Variants in FRMD7 observed in about 807,000 individuals in gnomAD.
The protein encoded by FRMD7 is FERM domain-containing protein 7.
FRMD7 carries 14 observed loss-of-function variants against 44.1 expected under a neutral mutation model. That is an observed-to-expected ratio of 0.32 (90% CI 0.21 to 0.50). The LOEUF (loss-of-function observed/expected upper bound fraction) is 0.50, where lower values mean the gene tolerates loss of function less well. Ranked by LOEUF, FRMD7 falls within the 20% of genes least tolerant of loss-of-function variation. The pLI is 0.99. For synonymous variants in FRMD7, 212 were observed against 187.4 expected, an observed-to-expected ratio of 1.13 and a Z score of -1.07; for missense variants, 501 against 522.3, an observed-to-expected ratio of 0.96 and a Z score of 0.40.
At chrX:132,103,089 G>C (rs899300351) in intron 1 of FRMD7, among the ~76,000 whole-genome samples, 6 of 111,637 alleles carry the variant, frequency 5.4e-5, no homozygotes, top group Admixed American at 9.5e-5. Flanking sequence ...CCCCATCTCC[G>C]CGAGAGGCAT....
chrX:132,105,132 A>G (rs1928612131), intron 1 of FRMD7, among the ~76,000 whole-genome samples: 1 of 111,937 alleles, frequency 8.9e-6, no homozygotes, highest in African/African-American at 3.2e-5. Context: ...CATTAAATAA[A>G]CCAAGACTGG....
At chrX:132,099,343 G>T in intron 3 of FRMD7, 125 bp downstream of exon 3, 1 of 558,567 alleles carries the variant, frequency 1.8e-6, no homozygotes, top group Non-Finnish European at 3.0e-6. Context: ...TGTATGAAGG[G>T]TTGAAATAAT....
chrX:132,097,317 A>G lies in FRMD7; in HGVS notation c.233T>C (p.Met78Thr). 1 of 1,190,153 alleles carries G rather than the reference A, an allele frequency of 8.4e-7. No individual in the cohort carries two copies. Among genetic ancestry groups the G allele is most frequent in the Admixed American group, 2.2e-5 (1 of 45,960 alleles). ...AGGGTCCACTGGGAAAAATTTCACC[A>G]TAAATTTGAAAACAATCTCCTTAGG... Reference protein sequence around the residue: ...KNPKEIVFKFMVKFFPVDPGH... With the variant: ...KNPKEIVFKFTVKFFPVDPGH... Residue 78 changes from methionine to threonine, a missense_variant, in exon 4 of 12, where the codon ATG (methionine) becomes ACG (threonine). Physicochemically the swap from Met to Thr is moderately conservative, Grantham distance 81. Around this residue, in one of 3 missense-constraint regions of FRMD7, gnomAD observed 24 missense variants for 48.0 expected, o/e 0.50. Coordinates refer to ENST00000298542, the MANE Select transcript of FRMD7 (RefSeq NM_194277.3).
In FRMD7 at chrX:132,127,936, G is replaced by A; in HGVS notation, c.-92C>T. 1.3e-6 allele frequency: 1 copy of A among 746,475 alleles called. No homozygotes were observed. Among genetic ancestry groups the A allele is most frequent in the Non-Finnish European group, 2.1e-6 (1 of 473,840 alleles). 61.5% of individuals were successfully genotyped at this position (746,475 alleles called of 1,213,427 possible). ...CTCCCAGCTGGATGTGGTGCACTCG[G>A]GCCCCCCCACCCCCAGCCAGGCATT... On this transcript the variant is annotated 5_prime_UTR_variant, in exon 1 of 12. Coordinates refer to ENST00000298542, the MANE Select transcript of FRMD7 (RefSeq NM_194277.3).
intron 5 of FRMD7, among the ~76,000 whole-genome samples, chrX:132,088,059 C>T (rs1928051830): frequency 8.9e-6 from 1 of 112,228 alleles, no homozygotes; most frequent in Non-Finnish European, 1.9e-5. Flanking sequence ...AAGGAATATA[C>T]CAAATGGTGA....
intron 7 of FRMD7, among the ~76,000 whole-genome samples, chrX:132,085,173 A>G (rs1232137582): frequency 6.3e-5 from 7 of 111,522 alleles, no homozygotes; most frequent in Non-Finnish European, 9.4e-5. Flanking sequence ...ATTCTGTTTA[A>G]TTACTGCAGC....
chrX:132,078,858 C>T lies in FRMD7; in HGVS notation c.1159G>A (p.Val387Met). The T allele has an allele frequency of 1.7e-6, 2 of 1,206,563 alleles. No individual in the cohort carries two copies. Among genetic ancestry groups the T allele is most frequent in the Non-Finnish European group, 2.2e-6 (2 of 891,040 alleles). The change falls in exon 12 of 12, where the codon GTG becomes ATG. Residue 387 changes from valine (V) to methionine (M), a missense_variant. Transcript: ENST00000298542. ...TGCTCCAGCTCAGTTGCAAATGTCACCTCCAATGCAGAATTCCTCCTCCTA... is the reference window on the plus strand; with the variant it reads ...TGCTCCAGCTCAGTTGCAAATGTCATCTCCAATGCAGAATTCCTCCTCCTA... ...ESRRRNSALEVTFATELEHSK... is the reference protein window; with the variant it reads ...ESRRRNSALEMTFATELEHSK...
chrX:132,086,661 G>GGA (rs1556021476), intron 5 of FRMD7, among the ~76,000 whole-genome samples: 9 of 93,702 alleles, frequency 9.6e-5, no homozygotes, highest in African/African-American at 2.7e-4. Flanking sequence ...AAGGCCTCAG[G>GGA]AAAAAAAAAA....
chrX:132,087,777 T>C (rs1228123008), intron 5 of FRMD7, among the ~76,000 whole-genome samples: 2 of 111,628 alleles, frequency 1.8e-5, no homozygotes, highest in African/African-American at 6.5e-5. Context: ...ACATTCCTCA[T>C]GAATACAGAG....
chrX:132,118,324 C>T (rs1241358568), intron 1 of FRMD7, among the ~76,000 whole-genome samples: 3 of 110,774 alleles, frequency 2.7e-5, no homozygotes, highest in African/African-American at 9.9e-5. Flanking sequence ...CTTAGTTCAG[C>T]TAAAACCAGG....
chrX:132,100,334 G>C (rs1215523086), intron 2 of FRMD7, among the ~76,000 whole-genome samples: 6 of 112,010 alleles, frequency 5.4e-5, no homozygotes, highest in African/African-American at 2.0e-4. Flanking sequence ...GTTTCACTAT[G>C]TTGGCCAGGC....
chrX:132,113,055 C>T (rs182751920), intron 1 of FRMD7, among the ~76,000 whole-genome samples: 23 of 110,802 alleles, frequency 2.1e-4, no homozygotes, highest in African/African-American at 7.6e-4. Flanking sequence ...CAATCTTGTC[C>T]CCACTCCTGG....
chrX:132,098,090 A>G (rs761969001), intron 3 of FRMD7, among the ~76,000 whole-genome samples: 1 of 111,995 alleles, frequency 8.9e-6, no homozygotes, highest in Non-Finnish European at 1.9e-5. Context: ...GAGGTCAAGG[A>G]TGTCCTACCA....
chrX:132,101,455 C>CTTT, intron 1 of FRMD7, among the ~76,000 whole-genome samples: 1 of 112,441 alleles, frequency 8.9e-6, no homozygotes, highest in South Asian at 3.7e-4. Context: ...TGCCTCCAAA[C>CTTT]ACCCTCACTT....
At chrX:132,114,244 G>T (rs1456067000) in intron 1 of FRMD7, among the ~76,000 whole-genome samples, 2 of 111,593 alleles carry the variant, frequency 1.8e-5, no homozygotes, top group African/African-American at 6.5e-5. Flanking sequence ...AGTCATCAAG[G>T]TATAATGCCT....
chrX:132,108,754 A>G (rs1335013461), intron 1 of FRMD7, among the ~76,000 whole-genome samples: 1 of 111,156 alleles, frequency 9.0e-6, no homozygotes, highest in East Asian at 2.8e-4. Context: ...TAATTGGATC[A>G]TGGGCGAGGT....
Position 132,078,789 on chromosome X carries a change from T to G in FRMD7, c.1228A>C (p.Ser410Arg). 8.3e-7 allele frequency: 1 copy of G among 1,211,545 alleles called. No individual in the cohort carries two copies. The highest frequency in any genetic ancestry group is 1.1e-6 in the Non-Finnish European group (1 of 895,371). The change falls in exon 12 of 12, where the codon AGC (serine) becomes CGC (arginine). Residue 410 changes from serine to arginine, a missense_variant. Ser to Arg is a moderately radical substitution (Grantham distance 110). Coordinates refer to ENST00000298542, the MANE Select transcript of FRMD7 (RefSeq NM_194277.3). ...ADPTLLHQSQ[S>R]SSSFPFIYMD... ...TAAATAAAAGGGAAAGAGGAACTGCTTTGGGACTGATGTAGCAATGTGGGA... is the reference window on the plus strand; with the variant it reads ...TAAATAAAAGGGAAAGAGGAACTGCGTTGGGACTGATGTAGCAATGTGGGA...
intron 4 of FRMD7, among the ~76,000 whole-genome samples, chrX:132,096,964 GAAAC>G (rs1290272787): frequency 3.6e-5 from 4 of 111,084 alleles, no homozygotes; most frequent in Non-Finnish European, 7.5e-5. Flanking sequence ...CTCTCTGACT[GAAAC>G]ACAGATTCAT....
intron 1 of FRMD7, among the ~76,000 whole-genome samples, chrX:132,109,348 T>C (rs956240553): frequency 8.9e-6 from 1 of 112,165 alleles, no homozygotes; most frequent in Admixed American, 9.5e-5. Flanking sequence ...GTATGCTTTT[T>C]ACTCTATTGT....
Sources: allele counts gnomAD v4.1 joint callset (sites outside exome capture counted in the v4.1 genomes callset), GRCh38; gene constraint gnomAD v4.1.1; regional missense constraint gnomAD v4.1.1; transcripts MANE v1.5; gene names NCBI Gene and HGNC (gene_info 2026-07-23, HGNC 2026-07-21).